CSMD3: variants seen among roughly 807,000 people sequenced by gnomAD.
The protein encoded by CSMD3 is CUB and Sushi multiple domains 3, also known as CUB and sushi domain-containing protein 3.
CSMD3 carries 177 observed loss-of-function variants against 435.2 expected under a neutral mutation model. The observed-to-expected ratio is 0.41, with a 90% CI of 0.36 to 0.46. The LOEUF (loss-of-function observed/expected upper bound fraction) is 0.46, where lower values mean the gene tolerates loss of function less well. Among genes scored for constraint, CSMD3 ranks in the 20% least tolerant of loss-of-function variants. The pLI is 0.34. For synonymous variants in CSMD3, 1,656 were observed against 1,520.5 expected (o/e 1.09, Z -2.07); for missense variants, 4,265 against 4,504.6 (o/e 0.95, Z 1.52).
At chr8:112,506,629 C>A (rs1011621015) in intron 29 of CSMD3, 62 bp downstream of exon 29, 50 of 1,541,544 alleles carry the variant, frequency 3.2e-5, no homozygotes, top group African/African-American at 6.8e-5. Flanking sequence ...AGTACAAATG[C>A]TAAAGCAAAA....
Position 112,224,406 on chromosome 8 carries a change from C to A in CSMD3, c.*365G>T. ...TGTAAGTATAGCTCTTATTTCTACC[C>A]TATATCTTTTTTTTTAAACCCAGTC... is the stretch of plus-strand genomic sequence containing the variant. On this transcript the variant is annotated 3_prime_UTR_variant, in exon 71 of 71. Transcript: ENST00000297405. 1 of 304,804 alleles carries A rather than the reference C, an allele frequency of 3.3e-6. No homozygotes were observed. The highest frequency in any genetic ancestry group is 8.2e-5 in the East Asian group (1 of 12,238). 18.9% of individuals were successfully genotyped at this position (304,804 alleles called of 1,614,324 possible).
chr8:113,221,694 C>A (rs1236538794), intron 3 of CSMD3, among the ~76,000 whole-genome samples: 1 of 151,222 alleles, frequency 6.6e-6, no homozygotes, highest in African/African-American at 2.4e-5. Context: ...CACCTGCTCT[C>A]TCTTCCTTAC....
At chr8:113,021,086 C>A (rs1258840848) in intron 5 of CSMD3, among the ~76,000 whole-genome samples, 2 of 152,248 alleles carry the variant, frequency 1.3e-5, no homozygotes, top group East Asian at 1.9e-4. Flanking sequence ...ATATATTTCT[C>A]ATTTTTATTC....
At position 112,650,345 on chromosome 8, in the gene CSMD3, AAC is replaced by A; in HGVS notation, c.3007_3008del (p.Val1003TyrfsTer22). ...NNGFKIHYES[V>X]TVNTYSCLDP... ...CCAAACAAGAATACGTGTTCACTGT[AAC>A]ACCTGGAAAACAAAGGGAAGAAAAT... On this transcript the variant is annotated frameshift_variant and splice_region_variant, in exon 19 of 71. Coordinates refer to ENST00000297405, the MANE Select transcript of CSMD3 (RefSeq NM_198123.2). LOFTEE classifies it high-confidence loss of function. 6.2e-7 allele frequency: 1 copy of A among 1,612,656 alleles called. No homozygotes were observed. Among genetic ancestry groups the A allele is most frequent in the Non-Finnish European group, 8.5e-7 (1 of 1,178,728 alleles).
At chr8:112,799,488 T>G (rs2078910666) in intron 13 of CSMD3, among the ~76,000 whole-genome samples, 1 of 151,988 alleles carries the variant, frequency 6.6e-6, no homozygotes, top group South Asian at 2.1e-4. Flanking sequence ...TTGAGCTTAT[T>G]AGTAATTTTT....
chr8:112,330,965 T>C (rs1437259161), intron 45 of CSMD3, among the ~76,000 whole-genome samples: 1 of 152,042 alleles, frequency 6.6e-6, no homozygotes, highest in Non-Finnish European at 1.5e-5. Context: ...TTCTACTTAT[T>C]AGTTCTCTGG....
At chr8:113,000,475 C>T (rs1260222347) in intron 6 of CSMD3, among the ~76,000 whole-genome samples, 2 of 151,930 alleles carry the variant, frequency 1.3e-5, no homozygotes, top group African/African-American at 4.8e-5. Context: ...GTTATCACCA[C>T]AAAATGATAA....
chr8:112,255,225 G>A (rs1230593862), intron 62 of CSMD3, 29 bp downstream of exon 62: 4 of 1,567,230 alleles, frequency 2.6e-6, no homozygotes, highest in South Asian at 1.1e-5. Context: ...CACAGTTACT[G>A]TGCATAATCA....
At chr8:112,842,057 G>T (rs532703048) in intron 11 of CSMD3, among the ~76,000 whole-genome samples, 1 of 151,798 alleles carries the variant, frequency 6.6e-6, no homozygotes, top group East Asian at 1.9e-4. Context: ...TACTAAGAAG[G>T]GCAAGTGCTG....
In CSMD3 at chr8:112,943,880, A is replaced by G. The variant is rs150225728; in HGVS notation, c.1508+3910T>C. ...CTACTTGAAGATTTCTTTGCTCCCA[A>G]TCCATGTTTCTAATCTGTATGCCTG... On this transcript the variant is annotated intron_variant, in intron 9 of 70. Coordinates refer to ENST00000297405, the MANE Select transcript of CSMD3 (RefSeq NM_198123.2). 1.3e-4 allele frequency among the ~76,000 whole-genome samples: 20 copies of G among 151,780 alleles called. No homozygotes were observed. The East Asian group carries it at 3.9e-3, about 30-fold the overall frequency.
chr8:112,336,735 A>C lies in CSMD3; in HGVS notation c.6936T>G (p.Leu2312=). 6.2e-7 allele frequency: 1 copy of C among 1,613,460 alleles called. No individual in the cohort carries two copies. Among genetic ancestry groups the C allele is most frequent in the Non-Finnish European group, 8.5e-7 (1 of 1,179,496 alleles). The change falls in exon 44 of 71, where the codon CTT becomes CTG. Residue 2312 remains leucine (L), a synonymous_variant. Transcript: ENST00000297405. ...TGCCATTCCCAGGGGGTACTCTTAC[A>C]AGCCAAAAACAATCTTGAAAGTTTG... ...EYPNFQDCFW[L]VRVPPGNGIY...
chr8:112,341,638 T>C lies in CSMD3; in HGVS notation c.6491A>G (p.Tyr2164Cys), dbSNP rs770836587. The C allele has an allele frequency of 6.2e-7, 1 of 1,613,300 alleles. No individual in the cohort carries two copies. Among genetic ancestry groups the C allele is most frequent in the Non-Finnish European group, 8.5e-7 (1 of 1,179,326 alleles). ...VNFSTETIHD[Y>C]LEVRSGSSET... The stretch of plus-strand genomic sequence containing the variant: ...TGAGGATCCACTTCGTACTTCCAAA[T>C]AATCATGTATGGTTTCTGTAGAAAA... Residue 2164 changes from tyrosine (Y) to cysteine (C), a missense_variant, in exon 42 of 71, where the codon TAT becomes TGT. Tyr to Cys is a radical substitution (Grantham distance 194). Coordinates refer to ENST00000297405, the MANE Select transcript of CSMD3 (RefSeq NM_198123.2).
At chr8:113,383,460 G>T (rs2133114919) in intron 1 of CSMD3, among the ~76,000 whole-genome samples, 1 of 152,244 alleles carries the variant, frequency 6.6e-6, no homozygotes, top group African/African-American at 2.4e-5. Flanking sequence ...ATGCACATTT[G>T]AAAAAGACAG....
chr8:113,387,101 A>G (rs1182709130), intron 1 of CSMD3, among the ~76,000 whole-genome samples: 1 of 151,810 alleles, frequency 6.6e-6, no homozygotes, highest in Admixed American at 6.6e-5. Flanking sequence ...ATTAAAAACA[A>G]ATGAAATGAT....
chr8:112,718,044 T>A (rs186231156), intron 13 of CSMD3, among the ~76,000 whole-genome samples: 3 of 152,174 alleles, frequency 2.0e-5, no homozygotes, highest in African/African-American at 7.2e-5. Flanking sequence ...TAAACCTGCA[T>A]GTTCTGCACA....
At chr8:112,432,775 T>G (rs1813853872) in intron 32 of CSMD3, among the ~76,000 whole-genome samples, 1 of 151,974 alleles carries the variant, frequency 6.6e-6, no homozygotes, top group Non-Finnish European at 1.5e-5. Context: ...TGGGTCTCAG[T>G]TGAAAAGTTT....
At chr8:112,528,963 A>G (rs1248915801) in intron 27 of CSMD3, among the ~76,000 whole-genome samples, 1 of 151,982 alleles carries the variant, frequency 6.6e-6, no homozygotes, top group Non-Finnish European at 1.5e-5. Flanking sequence ...GAAAACAGAG[A>G]TGGAAGCTAG....
chr8:112,642,284 AT>A (rs946172269), intron 20 of CSMD3, among the ~76,000 whole-genome samples: 3 of 151,834 alleles, frequency 2.0e-5, no homozygotes, highest in African/African-American at 7.3e-5. Context: ...CCTGATGTAC[AT>A]TTTTTTCTCT....
At chr8:113,434,666 A>T (rs911896029) in intron 1 of CSMD3, among the ~76,000 whole-genome samples, 1 of 152,188 alleles carries the variant, frequency 6.6e-6, no homozygotes, top group Admixed American at 6.5e-5. Context: ...TTTGCACAGG[A>T]TCAAAGAAGG....
Sources: allele counts gnomAD v4.1 joint callset (sites outside exome capture counted in the v4.1 genomes callset), GRCh38; gene constraint gnomAD v4.1.1; transcripts MANE v1.5; gene names NCBI Gene and HGNC (gene_info 2026-07-23, HGNC 2026-07-21).